STRIP2: variants seen among roughly 807,000 people sequenced by gnomAD.
STRIP2 encodes striatin interacting protein 2, also known as striatin-interacting protein 2.
Under a neutral mutation model 107.1 loss-of-function variants are expected in STRIP2, and 84 were observed. The ratio of observed to expected loss-of-function variants is 0.78; its 90% CI spans 0.66 to 0.94. STRIP2 has a LOEUF of 0.94. STRIP2 is among the 40% of genes least tolerant of loss of function. STRIP2 has a pLI of 0.00. For synonymous variants in STRIP2, 394 were observed against 400.4 expected (o/e 0.98, Z 0.19); for missense variants, 888 against 1,034.2 (o/e 0.86, Z 1.94).
chr7:129,464,737 A>C lies in STRIP2; in HGVS notation c.1775A>C (p.Gln592Pro). The C allele has an allele frequency of 6.2e-7, 1 of 1,614,142 alleles. No individual in the cohort carries two copies. The highest frequency in any genetic ancestry group is 1.7e-5 in the Admixed American group (1 of 60,030). Residue 592 changes from glutamine (Q) to proline (P), a missense_variant and splice_region_variant, in exon 16 of 21, where the codon CAG (glutamine) becomes CCG (proline). Transcript: ENST00000249344. ...CACTTCAAACTCAACCATATCTACCAGGTGAGCAGCTAGGAGCACTTCTCC... is the reference window on the plus strand; with the variant it reads ...CACTTCAAACTCAACCATATCTACCCGGTGAGCAGCTAGGAGCACTTCTCC... ...LKHFKLNHIY[Q>P]FEYVSQHLVF... is the part of the protein sequence containing the mutation.
rs1292595061 is a variant in STRIP2 at position 129,475,553 on chromosome 7, C to CT, written c.1944+4852dup. ...GGAGTGGTGATGACTCTTTTTTTTT[C>CT]TTTTTTTTTTTTTTCTTTTTATTTT... On this transcript the variant is annotated intron_variant, in intron 18 of 20. Transcript: ENST00000249344. Among the ~76,000 whole-genome samples, 152 of 35,972 alleles carry CT rather than the reference C, an allele frequency of 4.2e-3. 5 individuals are homozygous for CT. Among genetic ancestry groups the CT allele is most frequent in the East Asian group, 8.6e-3 (7 of 810 alleles). 23.6% of individuals were successfully genotyped at this position (35,972 alleles called of 152,430 possible).
At position 129,434,595 on chromosome 7, in the gene STRIP2, G is replaced by A. The variant is rs776956833; in HGVS notation, c.123G>A (p.Glu41=). The A allele has an allele frequency of 4.6e-5, 69 of 1,505,696 alleles. No individual in the cohort carries two copies. Among genetic ancestry groups the A allele is most frequent in the Admixed American group, 1.2e-4 (6 of 49,014 alleles). 93.3% of individuals were successfully genotyped at this position (1,505,696 alleles called of 1,614,324 possible). ...AAGCGTTCCGAAGCCAGCGGCGGGA[G>A]TCAGAGGTGAGGAGCCCGGAAAGCT... ...GREAFRSQRR[E]SEGSVDCPTL... is the part of the protein sequence containing the mutation. Residue 41 remains glutamate, a synonymous_variant, in exon 1 of 21, where the codon GAG becomes GAA. Coordinates refer to ENST00000249344, the MANE Select transcript of STRIP2 (RefSeq NM_020704.3).
In STRIP2 at chr7:129,460,353, A is replaced by G; in HGVS notation, c.1457A>G (p.Glu486Gly). Residue 486 changes from glutamate to glycine, a missense_variant, in exon 13 of 21, where the codon GAG (glutamate) becomes GGG (glycine). Transcript: ENST00000249344. ...DVQIKNEEEL[E>G]KCPMSLGEEV... ...CAGATCAAGAATGAAGAGGAGCTGG[A>G]GAAGTGCCCTATGTCTTTGGTGAGC... is the stretch of plus-strand genomic sequence containing the variant. 1 of 1,613,956 alleles carries G rather than the reference A, an allele frequency of 6.2e-7. No individual in the cohort carries two copies. Among genetic ancestry groups the G allele is most frequent in the Non-Finnish European group, 8.5e-7 (1 of 1,179,928 alleles).
At position 129,486,375 on chromosome 7, in the gene STRIP2, G is replaced by A; in HGVS notation, c.*546G>A. 6.3e-6 allele frequency: 1 copy of A among 159,452 alleles called. No homozygotes were observed. Among genetic ancestry groups the A allele is most frequent in the Non-Finnish European group, 1.4e-5 (1 of 71,592 alleles). The allele number at this position is 159,452 out of a possible 1,614,324, so 9.9% of individuals were successfully genotyped here. A position where few individuals can be genotyped will look rare whatever the true frequency, so the allele number is the denominator to read the frequency against. Reference sequence around the variant, plus strand: ...CTGCACCTTCTTTGTGAAGGATGATGATTTACTATTCCCTCAATACTGCAT... The same window carrying A: ...CTGCACCTTCTTTGTGAAGGATGATAATTTACTATTCCCTCAATACTGCAT... On this transcript the variant is annotated 3_prime_UTR_variant, in exon 21 of 21. Transcript: ENST00000249344.
chr7:129,477,187 GGGGAGA>G (rs1798987414), intron 18 of STRIP2, among the ~76,000 whole-genome samples: 1 of 102,124 alleles, frequency 9.8e-6, no homozygotes, highest in Non-Finnish European at 2.1e-5. Flanking sequence ...GGGAGACCGT[GGGGAGA>G]GGGAGGGGGA....
rs1172957814 is a variant in STRIP2, at chr7:129,463,137, T to G, written c.1551+97T>G. On this transcript the variant is annotated intron_variant, in intron 14 of 20. Transcript: ENST00000249344. ...GGACCTGTCCAACACTTGAGCTTGTTTCCTGAGCCTTTGCCCCTTTGGCAA... is the reference window on the plus strand; with the variant it reads ...GGACCTGTCCAACACTTGAGCTTGTGTCCTGAGCCTTTGCCCCTTTGGCAA... 3.9e-6 allele frequency: 4 copies of G among 1,015,916 alleles called. No homozygotes were observed. In the African/African-American group the frequency reaches 4.8e-5, roughly 12 times the overall value. The allele number at this position is 1,015,916 out of a possible 1,614,324, so 62.9% of individuals were successfully genotyped here. A position where few individuals can be genotyped will look rare whatever the true frequency, so the allele number is the denominator to read the frequency against.
chr7:129,467,416 C>T lies in STRIP2; in HGVS notation c.1843C>T (p.Gln615Ter). 3 of 1,613,614 alleles carry T rather than the reference C, an allele frequency of 1.9e-6. No homozygotes were observed. Among genetic ancestry groups the T allele is most frequent in the Non-Finnish European group, 2.5e-6 (3 of 1,179,802 alleles). Residue 615 changes from glutamine (Q) to a stop codon, truncating the protein, a stop_gained, in exon 17 of 21, where the codon CAA becomes TAA. Coordinates refer to ENST00000249344, the MANE Select transcript of STRIP2 (RefSeq NM_020704.3). LOFTEE classifies it high-confidence loss of function. ...CCCCTTGATCCTGAAGTTCTTCAATCAAAATATCTTGTCATACATCACTGC... is the reference window on the plus strand; with the variant it reads ...CCCCTTGATCCTGAAGTTCTTCAATTAAAATATCTTGTCATACATCACTGC... ...CIPLILKFFN[Q>*]NILSYITAKN...
Position 129,445,290 on chromosome 7 carries a change from A to G in STRIP2, c.274+1192A>G, listed in dbSNP as rs532669982. Among the ~76,000 whole-genome samples the G allele has an allele frequency of 2.7e-3, 410 of 152,250 alleles. 2 individuals are homozygous for G. The highest frequency in any genetic ancestry group is 4.9e-3 in the Non-Finnish European group (334 of 68,018). On this transcript the variant is annotated intron_variant, in intron 3 of 20. Transcript: ENST00000249344. ...CTTGATAGTCTGGGTCAGTCACCCC[A>G]GCCAACACTGTAACTCCCTTCTTAG... is the stretch of plus-strand genomic sequence containing the variant.
chr7:129,482,959 C>T lies in STRIP2; in HGVS notation c.2167C>T (p.Gln723Ter). 6.2e-7 allele frequency: 1 copy of T among 1,614,114 alleles called. No homozygotes were observed. Among genetic ancestry groups the T allele is most frequent in the Non-Finnish European group, 8.5e-7 (1 of 1,180,030 alleles). The change falls in exon 20 of 21, where the codon CAA becomes TAA. Residue 723 changes from glutamine (Q) to a stop codon, truncating the protein, a stop_gained. Coordinates refer to ENST00000249344, the MANE Select transcript of STRIP2 (RefSeq NM_020704.3). LOFTEE classifies it high-confidence loss of function. Reference sequence around the variant, plus strand: ...GTTACAGACCAAGTACCTGGGGCGCCAATGGAGGAAAAGCAACATGAAAAC... The same window carrying T: ...GTTACAGACCAAGTACCTGGGGCGCTAATGGAGGAAAAGCAACATGAAAAC... ...LKLQTKYLGR[Q>*]WRKSNMKTMS...
At chr7:129,474,097 A>G (rs1344778490) in intron 18 of STRIP2, among the ~76,000 whole-genome samples, 2 of 151,980 alleles carry the variant, frequency 1.3e-5, no homozygotes, top group Non-Finnish European at 2.9e-5. Context: ...ACATTTATTT[A>G]TGTTTTCCTT....
chr7:129,483,085 TG>T lies in STRIP2; in HGVS notation c.2254+43del. 1 of 1,606,616 alleles carries T rather than the reference TG, an allele frequency of 6.2e-7. No individual in the cohort carries two copies. Among genetic ancestry groups the T allele is most frequent in the Non-Finnish European group, 8.5e-7 (1 of 1,175,086 alleles). On this transcript the variant is annotated intron_variant, in intron 20 of 20. Transcript: ENST00000249344. This position sits in a 1 kb window ranked among gnomAD's most constrained non-coding sequence, Gnocchi z 5.1. The stretch of plus-strand genomic sequence containing the variant: ...AAGCTCTTGACTTCCTGGAGTTTCC[TG>T]GGGTTTAGACAAAACTAAATAAATA...
At position 129,458,905 on chromosome 7, in the gene STRIP2, C is replaced by T. The variant is rs1584951651; in HGVS notation, c.1340+128C>T. The T allele has an allele frequency of 2.7e-6, 2 of 753,276 alleles. No homozygotes were observed. Among genetic ancestry groups the T allele is most frequent in the East Asian group, 5.2e-5 (2 of 38,406 alleles). 46.7% of individuals were successfully genotyped at this position (753,276 alleles called of 1,614,324 possible). ...CCTAGAGCCCCTAGGCCATGGACAACTCCCAGTGACTACTTTGGGTTCTTT... is the reference window on the plus strand; with the variant it reads ...CCTAGAGCCCCTAGGCCATGGACAATTCCCAGTGACTACTTTGGGTTCTTT... On this transcript the variant is annotated intron_variant, in intron 11 of 20. Transcript: ENST00000249344. The surrounding 1 kb of genome is among the most constrained non-coding windows in gnomAD (Gnocchi z 4.6).
intron 18 of STRIP2, among the ~76,000 whole-genome samples, chr7:129,475,201 A>G (rs1321754691): frequency 1.3e-5 from 2 of 151,642 alleles, no homozygotes; most frequent in African/African-American, 2.4e-5. Flanking sequence ...ATGTGGGCTC[A>G]GTATGTATTT....
chr7:129,437,645 AT>A (rs1226859985), intron 1 of STRIP2, among the ~76,000 whole-genome samples: 10 of 151,758 alleles, frequency 6.6e-5, no homozygotes, highest in Non-Finnish European at 1.3e-4. Flanking sequence ...CATTTTTTGA[AT>A]TTTTTAAAGT....
chr7:129,459,156 C>T (rs1360718052), intron 11 of STRIP2, among the ~76,000 whole-genome samples: 1 of 152,202 alleles, frequency 6.6e-6, no homozygotes, highest in Non-Finnish European at 1.5e-5. Context: ...CCCCATTCCC[C>T]AGCCTCATGA....
intron 19 of STRIP2, among the ~76,000 whole-genome samples, chr7:129,482,377 ATTTT>A (rs869099836): frequency 1.3e-3 from 93 of 69,016 alleles, no homozygotes; most frequent in African/African-American, 3.7e-3. Context: ...ATATATATAT[ATTTT>A]TTTTTTTTTT....
chr7:129,464,578 C>T (rs1363625540), intron 15 of STRIP2, 34 bp from the exon 16 acceptor site: 9 of 1,613,258 alleles, frequency 5.6e-6, no homozygotes, highest in Non-Finnish European at 7.6e-6. Flanking sequence ...TTTAAGGCCA[C>T]TCTCTGCACT....
chr7:129,479,849 G>C (rs941709444), intron 18 of STRIP2, among the ~76,000 whole-genome samples: 2 of 151,964 alleles, frequency 1.3e-5, no homozygotes, highest in Non-Finnish European at 2.9e-5. Context: ...CTTGGTATTA[G>C]GTATTAGGAA....
chr7:129,434,669 G>A (rs2150982059), intron 1 of STRIP2, 68 bp downstream of exon 1: 1 of 1,405,634 alleles, frequency 7.1e-7, no homozygotes. Context: ...CGGCTGAGGT[G>A]ATTCGGCCTC....
Sources: allele counts gnomAD v4.1 joint callset (sites outside exome capture counted in the v4.1 genomes callset), GRCh38; gene constraint gnomAD v4.1.1; non-coding constraint Gnocchi (gnomAD v3.1); transcripts MANE v1.5; gene names NCBI Gene and HGNC (gene_info 2026-07-23, HGNC 2026-07-21).